Variants in GRID2 observed in about 807,000 individuals in gnomAD.
The protein encoded by GRID2 is glutamate receptor ionotropic, delta-2.
A neutral mutation model predicts 114.8 loss-of-function variants in GRID2; 33 were observed. That is an observed-to-expected ratio of 0.29 (90% CI 0.22 to 0.38). The LOEUF is 0.38. Ranked by LOEUF, GRID2 falls within the 10% of genes least tolerant of loss-of-function variation. GRID2 has a pLI of 1.00. For missense variants in GRID2, 1,184 were observed against 1,257.7 expected (o/e 0.94, Z 0.89); for synonymous variants, 505 against 449.9 (o/e 1.12, Z -1.55).
chr4:92,787,348 G>A (rs1454592080), intron 2 of GRID2, among the ~76,000 whole-genome samples: 2 of 151,854 alleles, frequency 1.3e-5, no homozygotes, highest in African/African-American at 4.8e-5. Context: ...GGTGTAAGGA[G>A]TCCTAGGGGT....
intron 1 of GRID2, among the ~76,000 whole-genome samples, chr4:92,489,895 GTTC>G (rs1350362568): frequency 2.6e-5 from 4 of 151,182 alleles, no homozygotes; most frequent in South Asian, 2.1e-4. Context: ...AAAGATGACT[GTTC>G]TTCTGTGAAA....
rs750667661 is a variant in GRID2 at position 93,000,702 on chromosome 4, CATA to C, written c.245-84288_245-84286del. Reference sequence around the variant, plus strand: ...ATATATGTTTCATACTTTGTTAAACCATAATAAGTATGTCAAGTAGTTTTTATT... The same window carrying C: ...ATATATGTTTCATACTTTGTTAAACCATAAGTATGTCAAGTAGTTTTTATT... On this transcript the variant is annotated intron_variant, in intron 2 of 15. Transcript: ENST00000282020. Among the ~76,000 whole-genome samples the C allele has an allele frequency of 5.4e-5, 8 of 149,130 alleles. No individual in the cohort carries two copies. In the South Asian group the frequency reaches 6.3e-4, roughly 12 times the overall value.
intron 3 of GRID2, among the ~76,000 whole-genome samples, chr4:93,087,262 G>A (rs1046146307): frequency 4.0e-5 from 6 of 151,594 alleles, no homozygotes; most frequent in East Asian, 1.9e-4. Flanking sequence ...GGATGGTCTC[G>A]ATCTCCTGAC....
intron 14 of GRID2, among the ~76,000 whole-genome samples, chr4:93,629,185 G>T (rs2149695052): frequency 1.7e-5 from 2 of 116,926 alleles, no homozygotes. Context: ...TTACCTATCA[G>T]AGATTTTAAT....
At chr4:93,585,663 C>T (rs1450179710) in intron 13 of GRID2, among the ~76,000 whole-genome samples, 4 of 151,960 alleles carry the variant, frequency 2.6e-5, no homozygotes, top group Non-Finnish European at 5.9e-5. Context: ...GCTCTTGCCT[C>T]AATTTTAGGG....
At chr4:92,477,038 CATGTGTGTGTGTGTGTGTGTGT>C (rs1284210385) in intron 1 of GRID2, among the ~76,000 whole-genome samples, 1,457 of 104,880 alleles carry the variant, frequency 0.014, 28 homozygotes, top group African/African-American at 0.045. Flanking sequence ...GATTTAACTT[CATGTGTGTGTGTGTGTGTGTGT>C]GTGTGTGTGT....
Position 93,194,366 on chromosome 4 carries a change from T to C in GRID2, c.736-13038T>C, listed in dbSNP as rs143540608. Among the ~76,000 whole-genome samples the C allele has an allele frequency of 4.3e-3, 651 of 152,316 alleles. 8 individuals carry two copies. The highest frequency in any genetic ancestry group is 0.015 in the African/African-American group (628 of 41,580). On this transcript the variant is annotated intron_variant, in intron 4 of 15. Coordinates refer to ENST00000282020, the MANE Select transcript of GRID2 (RefSeq NM_001510.4). ...TGATTGAAGTATAAATATAACACTTTAGTGTGTTTTAAGGAGTTTTTTTCA... is the reference window on the plus strand; with the variant it reads ...TGATTGAAGTATAAATATAACACTTCAGTGTGTTTTAAGGAGTTTTTTTCA...
At chr4:93,749,481 C>A (rs1264204371) in intron 14 of GRID2, among the ~76,000 whole-genome samples, 1 of 152,160 alleles carries the variant, frequency 6.6e-6, no homozygotes, top group Admixed American at 6.5e-5. Context: ...CTCATTGCCC[C>A]TTTTTCACTC....
intron 12 of GRID2, 41 bp from the exon 13 acceptor site, chr4:93,515,175 T>C (rs777011547): frequency 1.1e-6 from 1 of 895,160 alleles, no homozygotes; most frequent in South Asian, 2.2e-5. Context: ...AAATACTCAG[T>C]AATGTGTCTC....
At chr4:92,430,079 C>T (rs896799705) in intron 1 of GRID2, among the ~76,000 whole-genome samples, 1 of 151,988 alleles carries the variant, frequency 6.6e-6, no homozygotes, top group African/African-American at 2.4e-5. Flanking sequence ...TTGATTGTAT[C>T]CTTTTCTGTG....
intron 9 of GRID2, among the ~76,000 whole-genome samples, chr4:93,414,279 A>G (rs1255770452): frequency 6.6e-6 from 1 of 152,168 alleles, no homozygotes; most frequent in East Asian, 1.9e-4. Flanking sequence ...TCTATTGTCA[A>G]TAGTAACTGT....
chr4:93,506,662 G>A (rs1311769910), intron 12 of GRID2, among the ~76,000 whole-genome samples: 3 of 152,120 alleles, frequency 2.0e-5, no homozygotes, highest in Non-Finnish European at 4.4e-5. Context: ...CCACATGGAG[G>A]TGCCCATCTT....
chr4:92,703,449 G>A (rs1268257626), intron 2 of GRID2, among the ~76,000 whole-genome samples: 1 of 151,874 alleles, frequency 6.6e-6, no homozygotes, highest in East Asian at 1.9e-4. Flanking sequence ...TATGATGAAG[G>A]AACTGCCTTT....
At chr4:92,843,433 C>G (rs1053019479) in intron 2 of GRID2, among the ~76,000 whole-genome samples, 4 of 151,894 alleles carry the variant, frequency 2.6e-5, no homozygotes, top group African/African-American at 9.7e-5. Context: ...ATGAGCTATA[C>G]TTATTGATGT....
At chr4:93,400,466 G>A (rs577547110) in intron 9 of GRID2, among the ~76,000 whole-genome samples, 5 of 152,052 alleles carry the variant, frequency 3.3e-5, no homozygotes, top group South Asian at 2.1e-4. Flanking sequence ...AGATTTTCCC[G>A]TTTTTAACTT....
At chr4:92,344,780 A>G (rs2110170236) in intron 1 of GRID2, among the ~76,000 whole-genome samples, 1 of 152,212 alleles carries the variant, frequency 6.6e-6, no homozygotes, top group Non-Finnish European at 1.5e-5. Context: ...GGGAAGCTTT[A>G]TTGCCCCTGA....
chr4:93,308,223 A>C (rs1408676574), intron 8 of GRID2, among the ~76,000 whole-genome samples: 1 of 152,196 alleles, frequency 6.6e-6, no homozygotes, highest in Non-Finnish European at 1.5e-5. Context: ...ATCTGGCCGG[A>C]AGTGATGGTT....
intron 8 of GRID2, among the ~76,000 whole-genome samples, chr4:93,354,890 G>GA (rs918639293): frequency 1.4e-5 from 2 of 147,250 alleles, no homozygotes; most frequent in African/African-American, 5.0e-5. Context: ...TTGTGTTGAA[G>GA]ACCTAAATGC....
At chr4:93,260,664 T>C (rs1750156400) in intron 8 of GRID2, among the ~76,000 whole-genome samples, 1 of 151,854 alleles carries the variant, frequency 6.6e-6, no homozygotes, top group Admixed American at 6.6e-5. Flanking sequence ...CTTTATATTA[T>C]GGTAGTCATG....
Sources: allele counts gnomAD v4.1 joint callset (sites outside exome capture counted in the v4.1 genomes callset), GRCh38; gene constraint gnomAD v4.1.1; transcripts MANE v1.5; gene names NCBI Gene and HGNC (gene_info 2026-07-23, HGNC 2026-07-21).